RIPK1: variants seen among roughly 807,000 people sequenced by gnomAD.
RIPK1 encodes the protein receptor-interacting serine/threonine-protein kinase 1.
RIPK1 carries 27 observed loss-of-function variants against 62.4 expected under a neutral mutation model. That is an observed-to-expected ratio of 0.43 (90% CI 0.32 to 0.60). The LOEUF (loss-of-function observed/expected upper bound fraction) is 0.60. Among genes scored for constraint, RIPK1 ranks in the 20% least tolerant of loss-of-function variants. RIPK1 has a pLI of 0.07. For synonymous variants in RIPK1, 287 were observed against 303.2 expected, an observed-to-expected ratio of 0.95 and a Z score of 0.55; for missense variants, 735 against 831.0, an observed-to-expected ratio of 0.88 and a Z score of 1.42.
At chr6:3,102,919 A>G (rs1760661838) in intron 7 of RIPK1, among the ~76,000 whole-genome samples, 1 of 152,186 alleles carries the variant, frequency 6.6e-6, no homozygotes, top group Non-Finnish European at 1.5e-5. Flanking sequence ...AAGTACTGTT[A>G]AAATTGTTTT....
At position 3,068,732 on chromosome 6, in the gene RIPK1, C is replaced by T. The variant is rs567251455; in HGVS notation, c.-61+71C>T. The T allele has an allele frequency of 4.7e-5, 44 of 932,374 alleles. No homozygotes were observed. In the African/African-American group the frequency reaches 7.6e-4, roughly 16 times the overall value. The allele number at this position is 932,374 out of a possible 1,614,324, so 57.8% of individuals were successfully genotyped here. ...GCTCAGTCCCGGTGACCCCCCTGGTCGGGGTTCGCGCGCCCTCCCCCAGCA... is the reference window on the plus strand; with the variant it reads ...GCTCAGTCCCGGTGACCCCCCTGGTTGGGGTTCGCGCGCCCTCCCCCAGCA... On this transcript the variant is annotated intron_variant, in intron 1 of 10. Coordinates refer to ENST00000259808, the MANE Select transcript of RIPK1 (RefSeq NM_001354930.2).
At chr6:3,111,621 G>A (rs1688719624) in intron 10 of RIPK1, among the ~76,000 whole-genome samples, 1 of 151,398 alleles carries the variant, frequency 6.6e-6, no homozygotes, top group Non-Finnish European at 1.5e-5. Context: ...AGCAACCACA[G>A]ACAATATGTA....
chr6:3,065,483 G>A (rs1758343354), upstream of RIPK1, among the ~76,000 whole-genome samples: 2 of 152,004 alleles, frequency 1.3e-5, no homozygotes, highest in South Asian at 2.1e-4. Context: ...CCAGGCACAG[G>A]ATCCAAAGTG....
chr6:3,090,169 G>A (rs1364144237), intron 7 of RIPK1, among the ~76,000 whole-genome samples: 1 of 152,134 alleles, frequency 6.6e-6, no homozygotes. Context: ...TCCTTCCCCT[G>A]TACTTAGCAA....
chr6:3,100,700 C>T (rs777103990), intron 7 of RIPK1, among the ~76,000 whole-genome samples: 15 of 151,896 alleles, frequency 9.9e-5, no homozygotes, highest in Non-Finnish European at 1.9e-4. Flanking sequence ...AAGTGATTCT[C>T]GTGCCTCAGC....
Position 3,096,565 on chromosome 6 carries a change from T to G in RIPK1, c.915+6908T>G, listed in dbSNP as rs968448890. 4.4e-5 allele frequency among the ~76,000 whole-genome samples: 6 copies of G among 135,498 alleles called. No individual in the cohort carries two copies. In the East Asian group the frequency reaches 8.3e-4, roughly 19 times the overall value. The allele number at this position is 135,498 out of a possible 152,430, so 88.9% of individuals were successfully genotyped here. On this transcript the variant is annotated intron_variant, in intron 7 of 10. Transcript: ENST00000259808. ...AATATCTCAAGTTTTTTTTTTTTTT[T>G]TTTTTTTTTTTTGAGACAGAGTCTC... is the stretch of plus-strand genomic sequence containing the variant.
intron 7 of RIPK1, among the ~76,000 whole-genome samples, chr6:3,090,385 C>T (rs572870095): frequency 6.6e-6 from 1 of 152,072 alleles, no homozygotes; most frequent in African/African-American, 2.4e-5. Context: ...ACAAATAAAA[C>T]AGGCAGAGAC....
intron 7 of RIPK1, among the ~76,000 whole-genome samples, chr6:3,099,642 T>C (rs1187923269): frequency 5.3e-5 from 8 of 152,200 alleles, no homozygotes; most frequent in Admixed American, 5.2e-4. Flanking sequence ...AGAAAAGATA[T>C]TTGGCCTCGC....
intron 7 of RIPK1, among the ~76,000 whole-genome samples, chr6:3,098,569 G>A (rs1181029783): frequency 3.3e-5 from 5 of 152,178 alleles, no homozygotes; most frequent in Admixed American, 3.3e-4. Flanking sequence ...TATAAAAGGA[G>A]TGCAATCCTA....
rs754329175 is a variant in RIPK1, at chr6:3,076,782, G to T, written c.-42G>T. ...TTTACAGGGTACAGCTCTGCCGGGGGGGGAAAAAGTGGTACCATTTTGGGC... is the reference window on the plus strand; with the variant it reads ...TTTACAGGGTACAGCTCTGCCGGGGTGGGAAAAAGTGGTACCATTTTGGGC... On this transcript the variant is annotated 5_prime_UTR_variant, in exon 2 of 11. Coordinates refer to ENST00000259808, the MANE Select transcript of RIPK1 (RefSeq NM_001354930.2). 2 of 1,605,570 alleles carry T rather than the reference G, an allele frequency of 1.2e-6. No homozygotes were observed. The highest frequency in any genetic ancestry group is 2.3e-5 in the East Asian group (1 of 44,120).
chr6:3,111,510 G>A (rs1042533378), intron 10 of RIPK1, among the ~76,000 whole-genome samples: 1 of 145,490 alleles, frequency 6.9e-6, no homozygotes, highest in Non-Finnish European at 1.5e-5. Context: ...TGGGATTGGC[G>A]CTTTTTTTTT....
At chr6:3,099,003 A>G (rs1331349210) in intron 7 of RIPK1, among the ~76,000 whole-genome samples, 4 of 152,162 alleles carry the variant, frequency 2.6e-5, no homozygotes, top group Non-Finnish European at 5.9e-5. Flanking sequence ...CTGTTTGTTC[A>G]CTCAGCTCCT....
intron 7 of RIPK1, among the ~76,000 whole-genome samples, chr6:3,096,975 A>G (rs1004743669): frequency 3.3e-5 from 5 of 152,054 alleles, no homozygotes; most frequent in African/African-American, 9.7e-5. Flanking sequence ...CGTTCAAGCA[A>G]TTCTCCTACC....
At chr6:3,096,362 T>C (rs1760291768) in intron 7 of RIPK1, among the ~76,000 whole-genome samples, 1 of 152,046 alleles carries the variant, frequency 6.6e-6, no homozygotes, top group South Asian at 2.1e-4. Context: ...AAAATCAATA[T>C]ATAAAAATAA....
intron 5 of RIPK1, among the ~76,000 whole-genome samples, chr6:3,084,430 ATC>A (rs1316279826): frequency 6.6e-6 from 1 of 151,160 alleles, no homozygotes; most frequent in African/African-American, 2.4e-5. Context: ...ATGCGTCATG[ATC>A]TCTGTAACTT....
intron 1 of RIPK1, among the ~76,000 whole-genome samples, chr6:3,074,349 G>A (rs1405229279): frequency 2.0e-5 from 3 of 152,118 alleles, no homozygotes; most frequent in African/African-American, 2.4e-5. Context: ...TCGTTCATGC[G>A]GTTTTCATTC....
chr6:3,098,340 C>A (rs1760421040), intron 7 of RIPK1, among the ~76,000 whole-genome samples: 1 of 152,182 alleles, frequency 6.6e-6, no homozygotes, highest in Non-Finnish European at 1.5e-5. Flanking sequence ...TGAATGGGCA[C>A]TTCACCAAAG....
At chr6:3,077,964 C>T (rs1414758028) in intron 3 of RIPK1, 29 bp downstream of exon 3, 1 of 1,610,332 alleles carries the variant, frequency 6.2e-7, no homozygotes, top group Admixed American at 1.7e-5. Context: ...CACGGGGATC[C>T]CCAGCGCTTG....
At chr6:3,109,056 G>C (rs1761017961) in intron 9 of RIPK1, among the ~76,000 whole-genome samples, 1 of 152,088 alleles carries the variant, frequency 6.6e-6, no homozygotes, top group African/African-American at 2.4e-5. Flanking sequence ...ACCAACACTT[G>C]ACAAATTCAG....
Sources: gnomAD v4.1 joint callset for allele counts (sites outside exome capture counted in the v4.1 genomes callset) on GRCh38, gnomAD v4.1.1 for gene constraint, MANE v1.5 for transcripts, NCBI Gene and HGNC (gene_info 2026-07-23, HGNC 2026-07-21) for gene names.